DMD: variants seen among roughly 807,000 people sequenced by gnomAD.
DMD encodes the protein mutant dystrophin.
Under a neutral mutation model 330.1 loss-of-function variants are expected in DMD, and 63 were observed. The ratio of observed to expected loss-of-function variants is 0.19; its 90% CI spans 0.16 to 0.24. The LOEUF (loss-of-function observed/expected upper bound fraction) is 0.24. Ranked by LOEUF, DMD falls within the 10% of genes least tolerant of loss-of-function variation. The pLI is 1.00. For synonymous variants in DMD, 1,223 were observed against 959.8 expected (o/e 1.27, Z -5.07); for missense variants, 3,344 against 2,684.1 (o/e 1.25, Z -5.43).
chrX:32,119,983 G>A (rs979980819), intron 44 of DMD, among the ~76,000 whole-genome samples: 2 of 111,885 alleles, frequency 1.8e-5, no homozygotes, highest in African/African-American at 3.2e-5. Flanking sequence ...GAAGGGAGGG[G>A]CTGTGTCTTT....
intron 7 of DMD, among the ~76,000 whole-genome samples, chrX:32,772,874 T>C (rs2073764973): frequency 9.7e-6 from 1 of 103,150 alleles, no homozygotes. Context: ...TATCAAATTG[T>C]TTAAGCTCAA....
chrX:32,658,757 A>G (rs1224200302), intron 9 of DMD, among the ~76,000 whole-genome samples: 3 of 111,303 alleles, frequency 2.7e-5, no homozygotes, highest in African/African-American at 6.5e-5. Context: ...CCATTGCTGT[A>G]TATAACAATG....
chrX:31,363,466 C>G (rs1009927091), intron 60 of DMD, among the ~76,000 whole-genome samples: 1 of 103,859 alleles, frequency 9.6e-6, no homozygotes, highest in Non-Finnish European at 2.0e-5. Flanking sequence ...CTGCAACTTC[C>G]GCTTCCCGGG....
At chrX:31,162,327 C>A in intron 74 of DMD, among the ~76,000 whole-genome samples, 2 of 74,295 alleles carry the variant, frequency 2.7e-5, no homozygotes, top group African/African-American at 5.2e-5. Flanking sequence ...TGAAGGCCAA[C>A]AGGAGGATGA....
chrX:31,404,574 G>C (rs776715932), intron 60 of DMD, among the ~76,000 whole-genome samples: 3 of 112,088 alleles, frequency 2.7e-5, no homozygotes, highest in Non-Finnish European at 5.6e-5. Flanking sequence ...GAGGCTGAAT[G>C]TCGAAGAATT....
chrX:31,868,099 C>T (rs779570445), intron 48 of DMD, among the ~76,000 whole-genome samples: 14 of 111,292 alleles, frequency 1.3e-4, no homozygotes, highest in Admixed American at 6.7e-4. Context: ...TAAATAACTT[C>T]GAGATTATAC....
chrX:32,774,393 T>G (rs1254085041), intron 7 of DMD, among the ~76,000 whole-genome samples: 1 of 111,894 alleles, frequency 8.9e-6, no homozygotes, highest in African/African-American at 3.3e-5. Flanking sequence ...TTATTCTTTC[T>G]AGGTAGTTCT....
intron 62 of DMD, among the ~76,000 whole-genome samples, chrX:31,300,816 T>C (rs1193904930): frequency 8.9e-6 from 1 of 112,352 alleles, no homozygotes; most frequent in Non-Finnish European, 1.9e-5. Context: ...ATTTCTAAAA[T>C]GTATTGCTCA....
At chrX:31,290,009 C>T in intron 62 of DMD, among the ~76,000 whole-genome samples, 1 of 108,021 alleles carries the variant, frequency 9.3e-6, no homozygotes, top group Non-Finnish European at 1.9e-5. Context: ...CAACCTCCGC[C>T]TCCTGGGTTC....
At chrX:33,120,035 T>A (rs777500050) in intron 1 of DMD, among the ~76,000 whole-genome samples, 4 of 111,614 alleles carry the variant, frequency 3.6e-5, no homozygotes, top group Non-Finnish European at 7.5e-5. Context: ...TCATCCCGTG[T>A]GAGTTTCCTC....
At chrX:33,334,083 C>G (rs1005948921) in intron 1 of DMD, among the ~76,000 whole-genome samples, 2 of 111,366 alleles carry the variant, frequency 1.8e-5, no homozygotes, top group African/African-American at 6.5e-5. Context: ...ATAAAAATAA[C>G]AGAATCCTAC....
At chrX:33,265,719 G>A (rs887651959) in intron 1 of DMD, among the ~76,000 whole-genome samples, 5 of 110,992 alleles carry the variant, frequency 4.5e-5, no homozygotes, top group African/African-American at 1.6e-4. Flanking sequence ...TATATCATAC[G>A]TTCCAGGATA....
intron 67 of DMD, among the ~76,000 whole-genome samples, chrX:31,184,007 C>T (rs1324998719): frequency 1.8e-5 from 2 of 109,566 alleles, no homozygotes; most frequent in East Asian, 5.7e-4. Context: ...CTCCTGGGTT[C>T]AAGTGATTCT....
chrX:32,958,478 A>C (rs1386807910), intron 2 of DMD, among the ~76,000 whole-genome samples: 1 of 111,045 alleles, frequency 9.0e-6, no homozygotes, highest in Non-Finnish European at 1.9e-5. Context: ...TCCTCCCATT[A>C]TTTAATTTAC....
At chrX:32,872,463 T>C (rs1259632124) in intron 2 of DMD, among the ~76,000 whole-genome samples, 3 of 112,123 alleles carry the variant, frequency 2.7e-5, no homozygotes, top group African/African-American at 9.7e-5. Context: ...AGATATCACA[T>C]GAGGTTAGAT....
At chrX:33,148,476 A>G (rs934500876) in intron 1 of DMD, among the ~76,000 whole-genome samples, 1 of 112,105 alleles carries the variant, frequency 8.9e-6, no homozygotes, top group African/African-American at 3.2e-5. Context: ...TTAAAGCCTT[A>G]AAGTAGAGTT....
At chrX:33,135,750 T>C (rs1332527348) in intron 1 of DMD, among the ~76,000 whole-genome samples, 1 of 112,214 alleles carries the variant, frequency 8.9e-6, no homozygotes, top group African/African-American at 3.2e-5. Context: ...GCACCAATTT[T>C]CACATTTTTA....
At chrX:32,019,897 C>A (rs1005398862) in intron 44 of DMD, among the ~76,000 whole-genome samples, 17 of 112,611 alleles carry the variant, frequency 1.5e-4, no homozygotes, top group Admixed American at 3.8e-4. Flanking sequence ...TGAATTAATT[C>A]TTAAATTGTG....
intron 1 of DMD, among the ~76,000 whole-genome samples, chrX:33,041,011 G>T (rs1019439873): frequency 8.9e-6 from 1 of 112,400 alleles, no homozygotes; most frequent in Middle Eastern, 4.6e-3. Context: ...TCAGCACAGT[G>T]ATGGAATCTG....
Sources: gnomAD v4.1 joint callset for allele counts (sites outside exome capture counted in the v4.1 genomes callset) on GRCh38, gnomAD v4.1.1 for gene constraint, MANE v1.5 for transcripts, NCBI Gene and HGNC (gene_info 2026-07-23, HGNC 2026-07-21) for gene names.